Variants in TULP4 observed in about 807,000 individuals in gnomAD.
The protein encoded by TULP4 is TUB like protein 4, also known as tubby-related protein 4.
Under a neutral mutation model 129.0 loss-of-function variants are expected in TULP4, and 16 were observed. The ratio of observed to expected loss-of-function variants is 0.12; its 90% CI spans 0.08 to 0.19. The LOEUF (loss-of-function observed/expected upper bound fraction) is 0.19, where lower values mean the gene tolerates loss of function less well. TULP4 is among the 10% of genes least tolerant of loss of function. The pLI is 1.00. For missense variants in TULP4, 1,842 were observed against 2,059.1 expected (o/e 0.89, Z 2.04); for synonymous variants, 998 against 854.0 (o/e 1.17, Z -2.94).
In TULP4 at chr6:158,424,872, G is replaced by A. The variant is rs544299293; in HGVS notation, c.382-4864G>A. Among the ~76,000 whole-genome samples the A allele has an allele frequency of 1.5e-4, 23 of 152,052 alleles. No individual in the cohort carries two copies. In the South Asian group the frequency reaches 4.8e-3, roughly 32 times the overall value. The stretch of plus-strand genomic sequence containing the variant: ...ATGGAAATGCAAGTTAGACAATGTC[G>A]GCTGGGCACGGTGGCTCGTACCGGT... On this transcript the variant is annotated intron_variant, in intron 2 of 13. Transcript: ENST00000367097.
chr6:158,277,431 A>G (rs4709150), upstream of TULP4, among the ~76,000 whole-genome samples: 60,065 of 152,120 alleles, frequency 0.39, 12,249 homozygotes, highest in Admixed American at 0.48. Flanking sequence ...CTGTGTAGCA[A>G]TGATAATGCT....
Position 158,413,166 on chromosome 6 carries a change from G to A in TULP4, c.354G>A (p.Val118=), listed in dbSNP as rs781371095. The change falls in exon 2 of 14, where the codon GTG becomes GTA. Residue 118 remains valine, a synonymous_variant. Transcript: ENST00000367097. This position sits in a 1 kb window ranked among gnomAD's most constrained non-coding sequence, Gnocchi z 4.9. ...TTCAGTACGAGGGCAGGTGGTCTGTGGAGCTGGTCAACGACCGCGGGGCGC... is the reference window on the plus strand; with the variant it reads ...TTCAGTACGAGGGCAGGTGGTCTGTAGAGCTGGTCAACGACCGCGGGGCGC... ...VWIQYEGRWS[V]ELVNDRGAQV... 6.2e-7 allele frequency: 1 copy of A among 1,613,466 alleles called. No individual in the cohort carries two copies. The highest frequency in any genetic ancestry group is 2.2e-5 in the East Asian group (1 of 44,878).
chr6:158,282,290 T>A (rs1029503790), exon 1 of TULP4: 3 of 152,150 alleles, frequency 2.0e-5, no homozygotes, highest in African/African-American at 7.2e-5. Context: ...TATCTCCACG[T>A]TTAGGTGCAC....
chr6:158,497,092 A>G (rs1554296966), intron 11 of TULP4, among the ~76,000 whole-genome samples: 1 of 152,258 alleles, frequency 6.6e-6, no homozygotes, highest in Non-Finnish European at 1.5e-5. Flanking sequence ...GCTTCAAGCC[A>G]TACCCCCATC....
At chr6:158,281,820 T>C (rs1158750642), upstream of TULP4, among the ~76,000 whole-genome samples, 4 of 152,228 alleles carry the variant, frequency 2.6e-5, no homozygotes, top group African/African-American at 9.6e-5. Context: ...TGTGAGATTA[T>C]TGTCTTTGTC....
chr6:158,349,731 T>C (rs10455819), intron 1 of TULP4, among the ~76,000 whole-genome samples: 107,482 of 115,816 alleles, frequency 0.93, 49,787 homozygotes, highest in Admixed American at 0.95. Flanking sequence ...CGGGCAGAGG[T>C]GCTCCTCAAT....
intron 1 of TULP4, among the ~76,000 whole-genome samples, chr6:158,354,915 T>C (rs1263003026): frequency 7.0e-5 from 10 of 143,430 alleles, no homozygotes; most frequent in Non-Finnish European, 1.4e-4. Flanking sequence ...CAGAAAGCCC[T>C]CAAGATGCTC....
rs575469721 is a variant in TULP4 at position 158,374,746 on chromosome 6, T to A, written c.253-38319T>A. 1.2e-3 allele frequency among the ~76,000 whole-genome samples: 182 copies of A among 152,092 alleles called. 2 individuals are homozygous for A. The highest frequency in any genetic ancestry group is 2.1e-3 in the South Asian group (10 of 4,812). On this transcript the variant is annotated intron_variant, in intron 1 of 13. Coordinates refer to ENST00000367097, the MANE Select transcript of TULP4 (RefSeq NM_020245.5). ...AGCACCAGCTGCCATTAGAGAAGAG[T>A]TCCTGGTTTCAGCTTTTCAGCCGTG...
intron 5 of TULP4, among the ~76,000 whole-genome samples, chr6:158,461,103 A>T (rs896681885): frequency 1.3e-5 from 2 of 152,228 alleles, no homozygotes; most frequent in African/African-American, 2.4e-5. Context: ...AATTGGTTGT[A>T]TTCATGAGCT....
intron 1 of TULP4, among the ~76,000 whole-genome samples, chr6:158,384,150 A>T (rs77899559): frequency 0.036 from 5,512 of 152,254 alleles, 113 homozygotes; most frequent in Non-Finnish European, 0.04. Flanking sequence ...TAGCATCTCG[A>T]ATATTCCAAA....
upstream of TULP4, chr6:158,312,121 G>A (rs1779369098): frequency 7.5e-6 from 3 of 397,874 alleles, no homozygotes; most frequent in Non-Finnish European, 1.3e-5. Flanking sequence ...GGAAGCAGAC[G>A]CTTCGTATGG....
intron 1 of TULP4, among the ~76,000 whole-genome samples, chr6:158,393,706 C>T (rs1438194471): frequency 6.6e-6 from 1 of 152,188 alleles, no homozygotes; most frequent in African/African-American, 2.4e-5. Context: ...CACAGGGTGC[C>T]ATGTCGTAAG....
chr6:158,344,188 C>G (rs2114764238), intron 1 of TULP4, among the ~76,000 whole-genome samples: 1 of 152,330 alleles, frequency 6.6e-6, no homozygotes, highest in South Asian at 2.1e-4. Flanking sequence ...TTGCTCCTAA[C>G]TCCACCACCT....
Position 158,502,020 on chromosome 6 carries a change from C to T in TULP4, c.2357C>T (p.Ser786Phe). The T allele has an allele frequency of 6.2e-7, 1 of 1,613,816 alleles. No homozygotes were observed. The highest frequency in any genetic ancestry group is 8.5e-7 in the Non-Finnish European group (1 of 1,179,938). Residue 786 changes from serine (S) to phenylalanine (F), a missense_variant, in exon 13 of 14, where the codon TCC (serine) becomes TTC (phenylalanine). By Grantham distance (155) the Ser-to-Phe change is radical. This residue lies in a region of TULP4 where 1,089 missense variants were observed against 987.1 expected (regional missense o/e 1.10). Coordinates refer to ENST00000367097, the MANE Select transcript of TULP4 (RefSeq NM_020245.5). ...CCGCCGCAGGGGCCCATGCAGCTGT[C>T]CACGGTGGGCCATGGAGACCGAGAC... Reference protein sequence around the residue: ...PPPPQGPMQLSTVGHGDRDHE... With the variant: ...PPPPQGPMQLFTVGHGDRDHE...
intron 1 of TULP4, among the ~76,000 whole-genome samples, chr6:158,407,583 T>A (rs2114995544): frequency 6.6e-6 from 1 of 152,242 alleles, no homozygotes; most frequent in African/African-American, 2.4e-5. Flanking sequence ...GCAGTATTCA[T>A]AATAGCTAAA....
At chr6:158,315,401 C>T (rs1260154188) in intron 1 of TULP4, among the ~76,000 whole-genome samples, 1 of 151,978 alleles carries the variant, frequency 6.6e-6, no homozygotes, top group Admixed American at 6.6e-5. Flanking sequence ...CTATAAAGAC[C>T]CTACCTCTTA....
chr6:158,437,342 G>C (rs1331011604), intron 3 of TULP4, among the ~76,000 whole-genome samples: 1 of 152,158 alleles, frequency 6.6e-6, no homozygotes, highest in African/African-American at 2.4e-5. Context: ...CAGGAGAATT[G>C]CTTGAGGCCA....
chr6:158,308,994 ACCTC>A (rs1779279857), upstream of TULP4, among the ~76,000 whole-genome samples: 1 of 113,656 alleles, frequency 8.8e-6, no homozygotes. Flanking sequence ...TGACCCCCCC[ACCTC>A]CCTCCCGGAC....
At chr6:158,262,766 C>T (rs1778373788) in intron 1 of TULP4, among the ~76,000 whole-genome samples, 1 of 152,164 alleles carries the variant, frequency 6.6e-6, no homozygotes, top group African/African-American at 2.4e-5. Context: ...AAGCAGCTGT[C>T]TCTATGCCAC....
Sources: gnomAD v4.1 joint callset for allele counts (sites outside exome capture counted in the v4.1 genomes callset) on GRCh38, gnomAD v4.1.1 for gene constraint, gnomAD v4.1.1 regional missense constraint, Gnocchi (gnomAD v3.1) non-coding constraint, MANE v1.5 for transcripts, NCBI Gene and HGNC (gene_info 2026-07-23, HGNC 2026-07-21) for gene names.